RFC3: variants seen among roughly 807,000 people sequenced by gnomAD.
The protein encoded by RFC3 is A1 38 kDa subunit.
In RFC3, 41 loss-of-function variants were observed where a neutral mutation model predicts 45.1. That is an observed-to-expected ratio of 0.91 (90% confidence interval 0.71 to 1.18). The LOEUF is 1.18. Among genes scored for constraint, RFC3 ranks in the 50% most tolerant of loss-of-function variants. The probability of loss-of-function intolerance (pLI) is 0.00; values close to 1 mark genes in which losing one functional copy is unlikely to be tolerated. For synonymous variants in RFC3, 149 were observed against 144.0 expected, an observed-to-expected ratio of 1.03 and a Z score of -0.25; for missense variants, 423 against 428.1, an observed-to-expected ratio of 0.99 and a Z score of 0.10.
chr13:33,888,112 G>T (rs571521367), intron 8 of RFC3, among the ~76,000 whole-genome samples: 1 of 152,260 alleles, frequency 6.6e-6, no homozygotes, highest in Non-Finnish European at 1.5e-5. Context: ...GGTGATGCAG[G>T]CTCTTTTTTG....
intron 8 of RFC3, among the ~76,000 whole-genome samples, chr13:33,911,672 A>G (rs569266705): frequency 3.3e-5 from 5 of 152,184 alleles, no homozygotes; most frequent in East Asian, 1.9e-4. Flanking sequence ...ACTGAACCCA[A>G]GGTGTGTCCT....
intron 8 of RFC3, among the ~76,000 whole-genome samples, chr13:33,862,979 C>A (rs897360625): frequency 6.6e-6 from 1 of 152,140 alleles, no homozygotes; most frequent in Non-Finnish European, 1.5e-5. Context: ...TAAATTAATT[C>A]TTACATGCAT....
intron 8 of RFC3, among the ~76,000 whole-genome samples, chr13:33,864,761 G>T (rs1169471215): frequency 2.0e-5 from 3 of 151,990 alleles, no homozygotes; most frequent in African/African-American, 7.2e-5. Context: ...AAATGGTATA[G>T]ATTTTAGATA....
intron 8 of RFC3, among the ~76,000 whole-genome samples, chr13:33,919,839 A>G (rs750915104): frequency 3.3e-4 from 50 of 152,150 alleles, no homozygotes; most frequent in African/African-American, 1.2e-4. Context: ...TCTGAGTCTA[A>G]ATGGTCGTAG....
At chr13:33,827,882 A>C (rs916816343) in intron 4 of RFC3, among the ~76,000 whole-genome samples, 4 of 152,048 alleles carry the variant, frequency 2.6e-5, no homozygotes, top group Admixed American at 6.6e-5. Flanking sequence ...AGTTTTTTTT[A>C]GGTCTGGGGC....
chr13:33,926,281 C>T (rs1048125105), intron 8 of RFC3, among the ~76,000 whole-genome samples: 5 of 151,420 alleles, frequency 3.3e-5, no homozygotes, highest in South Asian at 4.2e-4. Context: ...GTGGGTGCAG[C>T]GCACCAGCAT....
intron 1 of RFC3, among the ~76,000 whole-genome samples, chr13:33,818,932 C>A (rs1000332927): frequency 3.4e-5 from 5 of 145,044 alleles, no homozygotes; most frequent in Non-Finnish European, 4.5e-5. Flanking sequence ...CTGTTGTCGC[C>A]CAGGCTGGAA....
intron 8 of RFC3, among the ~76,000 whole-genome samples, chr13:33,916,350 A>G (rs1423265246): frequency 6.6e-6 from 1 of 152,198 alleles, no homozygotes; most frequent in African/African-American, 2.4e-5. Flanking sequence ...AAAGAAAGAA[A>G]AAAAGAAAGC....
chr13:33,855,676 A>G (rs961295585), intron 8 of RFC3, among the ~76,000 whole-genome samples: 8 of 152,032 alleles, frequency 5.3e-5, no homozygotes, highest in African/African-American at 1.9e-4. Flanking sequence ...ATTTTGAGTG[A>G]TGTGAGATGG....
intron 8 of RFC3, among the ~76,000 whole-genome samples, chr13:33,854,337 C>A (rs2082295733): frequency 6.6e-6 from 1 of 152,112 alleles, no homozygotes; most frequent in Admixed American, 6.5e-5. Context: ...CTGCAGGCAG[C>A]ATTAGCTCTT....
chr13:33,834,282 A>C, intron 7 of RFC3, among the ~76,000 whole-genome samples: 1 of 120,946 alleles, frequency 8.3e-6, no homozygotes, highest in African/African-American at 3.5e-5. Flanking sequence ...TGAAGTATGG[A>C]ACATCTGTAC....
At chr13:33,912,217 T>A (rs1465848476) in intron 8 of RFC3, among the ~76,000 whole-genome samples, 1 of 152,140 alleles carries the variant, frequency 6.6e-6, no homozygotes, top group East Asian at 1.9e-4. Context: ...AGTATTTATT[T>A]AGTCCATTAG....
intron 8 of RFC3, among the ~76,000 whole-genome samples, chr13:33,872,079 A>G (rs978841731): frequency 2.0e-4 from 30 of 152,060 alleles, no homozygotes; most frequent in African/African-American, 7.2e-4. Context: ...TTGTGGCAAG[A>G]GATAAGAGAA....
chr13:33,823,925 TAA>T lies in RFC3; in HGVS notation c.243_244del (p.Lys81AsnfsTer2). On this transcript the variant is annotated frameshift_variant, in exon 3 of 9. Coordinates refer to ENST00000380071, the MANE Select transcript of RFC3 (RefSeq NM_002915.4). LOFTEE classifies it high-confidence loss of function. The stretch of plus-strand genomic sequence containing the variant: ...TTTTTCTTTGTCCACAGACTCCATC[TAA>T]AAAAAAAATTGAAATTAGCACCATT... Reference protein sequence around the residue: ...IEHQTITTPSKKKIEISTIAS... With the variant: ...IEHQTITTPSXKKIEISTIAS... 15 of 1,384,750 alleles carry T rather than the reference TAA, an allele frequency of 1.1e-5. No individual in the cohort carries two copies. Among genetic ancestry groups the T allele is most frequent in the Non-Finnish European group, 1.4e-5 (14 of 1,006,626 alleles). The allele number at this position is 1,384,750 out of a possible 1,614,324, so 85.8% of individuals were successfully genotyped here. A position where few individuals can be genotyped will look rare whatever the true frequency, so the allele number is the denominator to read the frequency against.
chr13:33,873,854 G>A (rs1053489993), intron 8 of RFC3, among the ~76,000 whole-genome samples: 2 of 152,196 alleles, frequency 1.3e-5, no homozygotes, highest in East Asian at 1.9e-4. Flanking sequence ...CTTTAAAAAT[G>A]TTTATTCATT....
chr13:33,944,055 T>A (rs1397649727), intron 8 of RFC3, among the ~76,000 whole-genome samples: 1 of 152,158 alleles, frequency 6.6e-6, no homozygotes, highest in African/African-American at 2.4e-5. Context: ...ATAAGCACTT[T>A]GTTGCTTACT....
At chr13:33,904,571 CAG>C (rs987650924) in intron 8 of RFC3, among the ~76,000 whole-genome samples, 19 of 152,128 alleles carry the variant, frequency 1.2e-4, no homozygotes, top group Admixed American at 9.2e-4. Context: ...TTCCTGGTGT[CAG>C]AGGAACCCTC....
At chr13:33,910,796 A>G (rs1192088563) in intron 8 of RFC3, among the ~76,000 whole-genome samples, 1 of 152,128 alleles carries the variant, frequency 6.6e-6, no homozygotes. Context: ...TACAGGAATC[A>G]TGATGCTGGC....
chr13:33,960,047 T>C (rs1219850542), intron 8 of RFC3, among the ~76,000 whole-genome samples: 6 of 152,054 alleles, frequency 3.9e-5, no homozygotes, highest in Non-Finnish European at 8.8e-5. Flanking sequence ...CCATGTGAAC[T>C]CACTGTTGTG....
Sources: allele counts gnomAD v4.1 joint callset (sites outside exome capture counted in the v4.1 genomes callset), GRCh38; gene constraint gnomAD v4.1.1; transcripts MANE v1.5; gene names NCBI Gene and HGNC (gene_info 2026-07-23, HGNC 2026-07-21).